Variants in MSI2 observed in about 807,000 individuals in gnomAD.
The protein encoded by MSI2 is RNA-binding protein Musashi homolog 2.
A neutral mutation model predicts 45.6 loss-of-function variants in MSI2; 17 were observed. The ratio of observed to expected loss-of-function variants is 0.37; its 90% CI spans 0.26 to 0.56. MSI2 has a LOEUF of 0.56. MSI2 is among the 20% of genes least tolerant of loss of function. MSI2 has a pLI of 0.77. For synonymous variants in MSI2, 156 were observed against 158.2 expected, an observed-to-expected ratio of 0.99 and a Z score of 0.11; for missense variants, 293 against 444.2, an observed-to-expected ratio of 0.66 and a Z score of 3.06.
chr17:57,675,954 C>G (rs901816890), intron 12 of MSI2, among the ~76,000 whole-genome samples: 1 of 152,208 alleles, frequency 6.6e-6, no homozygotes, highest in Non-Finnish European at 1.5e-5. Context: ...CCCACTTGCT[C>G]GCTGTCCCTT....
chr17:57,687,015 CA>C (rs914829495), downstream of MSI2, among the ~76,000 whole-genome samples: 4 of 146,030 alleles, frequency 2.7e-5, no homozygotes, highest in African/African-American at 4.9e-5. Context: ...GCCCCCCCCC[CA>C]AAAAATTTTA....
intron 10 of MSI2, chr17:57,631,855 T>G (rs749748033): frequency 6.8e-6 from 11 of 1,611,818 alleles, no homozygotes; most frequent in Middle Eastern, 1.6e-4. Context: ...CATAGCAAAG[T>G]GGGGGTTGCT....
intron 8 of MSI2, among the ~76,000 whole-genome samples, chr17:57,609,150 C>T (rs534894371): frequency 9.8e-5 from 15 of 152,286 alleles, no homozygotes; most frequent in Admixed American, 3.3e-4. Flanking sequence ...GCCTAATGTC[C>T]GGAGGTGAGG....
intron 5 of MSI2, among the ~76,000 whole-genome samples, chr17:57,270,589 C>A (rs1387826014): frequency 6.6e-6 from 1 of 152,194 alleles, no homozygotes; most frequent in Non-Finnish European, 1.5e-5. Flanking sequence ...CCAGCTATGG[C>A]ATTTTAGACA....
chr17:57,512,188 C>G (rs557913229), intron 6 of MSI2, among the ~76,000 whole-genome samples: 1 of 152,278 alleles, frequency 6.6e-6, no homozygotes, highest in South Asian at 2.1e-4. Flanking sequence ...GCCTCTGTCC[C>G]CATGAACTCA....
chr17:57,458,622 TCTC>T (rs2085163059), intron 6 of MSI2, among the ~76,000 whole-genome samples: 1 of 152,162 alleles, frequency 6.6e-6, no homozygotes. Flanking sequence ...GGAGAGCCCC[TCTC>T]CAGCTCTAAT....
At chr17:57,316,721 A>T (rs926391758) in intron 5 of MSI2, among the ~76,000 whole-genome samples, 3 of 151,862 alleles carry the variant, frequency 2.0e-5, no homozygotes, top group African/African-American at 7.3e-5. Flanking sequence ...CATGTGAGGG[A>T]TGGAGGGAGG....
At chr17:57,660,872 G>GA (rs1911942174) in intron 11 of MSI2, among the ~76,000 whole-genome samples, 1 of 152,194 alleles carries the variant, frequency 6.6e-6, no homozygotes, top group South Asian at 2.1e-4. Context: ...CAGAGCAGGG[G>GA]ACCCTTGGTA....
At chr17:57,484,260 C>T (rs1437692544) in intron 6 of MSI2, among the ~76,000 whole-genome samples, 1 of 152,190 alleles carries the variant, frequency 6.6e-6, no homozygotes. Flanking sequence ...TGCATCTTCT[C>T]CCTCCACCTC....
chr17:57,500,650 A>G (rs557222373), intron 6 of MSI2, among the ~76,000 whole-genome samples: 1 of 152,026 alleles, frequency 6.6e-6, no homozygotes, highest in South Asian at 2.1e-4. Flanking sequence ...AGGGCACTCA[A>G]TGAAGGACAA....
chr17:57,684,992 C>T (rs557186793), downstream of MSI2, among the ~76,000 whole-genome samples: 9 of 152,086 alleles, frequency 5.9e-5, no homozygotes, highest in Admixed American at 2.0e-4. Context: ...AAAGGTCCTG[C>T]GGATCAGAGG....
chr17:57,533,479 A>T (rs1454731358), intron 7 of MSI2, among the ~76,000 whole-genome samples: 3 of 152,166 alleles, frequency 2.0e-5, no homozygotes, highest in African/African-American at 7.2e-5. Flanking sequence ...TTCCTCTAAA[A>T]AATAAGAGAC....
At chr17:57,674,905 C>A (rs769272708) in intron 11 of MSI2, 67 bp from the exon 12 acceptor site, 1 of 1,594,418 alleles carries the variant, frequency 6.3e-7, no homozygotes, top group East Asian at 2.2e-5. Flanking sequence ...CAGCTCTATT[C>A]TCTGCACACC....
chr17:57,621,773 C>T (rs1413573310), intron 9 of MSI2, among the ~76,000 whole-genome samples: 1 of 152,158 alleles, frequency 6.6e-6, no homozygotes, highest in Non-Finnish European at 1.5e-5. Context: ...GCTTTTACAG[C>T]GTTTGACAGA....
chr17:57,447,868 G>A (rs1259943415), intron 6 of MSI2, among the ~76,000 whole-genome samples: 1 of 152,184 alleles, frequency 6.6e-6, no homozygotes, highest in African/African-American at 2.4e-5. Context: ...TGACAGGGGT[G>A]GAGAAGGAGT....
chr17:57,379,121 G>GACCCT (rs762223017), intron 5 of MSI2, among the ~76,000 whole-genome samples: 3 of 150,988 alleles, frequency 2.0e-5, no homozygotes, highest in Non-Finnish European at 4.4e-5. Flanking sequence ...ACCCACCCCA[G>GACCCT]ACCCTTCAGG....
At chr17:57,488,838 T>C (rs1322669477) in intron 6 of MSI2, among the ~76,000 whole-genome samples, 1 of 147,006 alleles carries the variant, frequency 6.8e-6, no homozygotes, top group African/African-American at 2.5e-5. Flanking sequence ...AAAAAAAAAA[T>C]GTGTTCAGAT....
intron 8 of MSI2, 99 bp downstream of exon 8, chr17:57,597,049 G>A (rs918568133): frequency 6.9e-6 from 6 of 872,100 alleles, no homozygotes; most frequent in Non-Finnish European, 1.1e-5. Flanking sequence ...GCTGGAGTGG[G>A]CAGGGGTGGG....
intron 6 of MSI2, among the ~76,000 whole-genome samples, chr17:57,424,920 C>G (rs1209149171): frequency 1.3e-5 from 2 of 152,098 alleles, no homozygotes; most frequent in Non-Finnish European, 2.9e-5. Flanking sequence ...GCTTGGGAGT[C>G]GGACACCTGA....
Sources: gnomAD v4.1 joint callset for allele counts (sites outside exome capture counted in the v4.1 genomes callset) on GRCh38, gnomAD v4.1.1 for gene constraint, MANE v1.5 for transcripts, NCBI Gene and HGNC (gene_info 2026-07-23, HGNC 2026-07-21) for gene names.